The following TTBK2 variants were observed in gnomAD, a reference collection of about 807,000 sequenced individuals.
TTBK2 encodes tau-tubulin kinase 2.
Under a neutral mutation model 110.8 loss-of-function variants are expected in TTBK2, and 28 were observed. That is an observed-to-expected ratio of 0.25 (90% CI 0.19 to 0.35). TTBK2 has a LOEUF of 0.35. Among genes scored for constraint, TTBK2 ranks in the 10% least tolerant of loss-of-function variants. The pLI is 1.00. For missense variants in TTBK2, 1,369 were observed against 1,500.3 expected, an observed-to-expected ratio of 0.91 and a Z score of 1.45; for synonymous variants, 532 against 527.3, an observed-to-expected ratio of 1.01 and a Z score of -0.12.
chr15:42,803,275 C>T lies in TTBK2; in HGVS notation c.822+7339G>A, dbSNP rs1177168547. Among the ~76,000 whole-genome samples the T allele has an allele frequency of 2.0e-5, 3 of 152,006 alleles. No individual in the cohort carries two copies. In the South Asian group the frequency reaches 6.2e-4, roughly 32 times the overall value. Reference sequence around the variant, plus strand: ...GTGTTATTGTACTGAATACTGTAGGCAATTGTTATGCAATGGTAAGTATTT... The same window carrying T: ...GTGTTATTGTACTGAATACTGTAGGTAATTGTTATGCAATGGTAAGTATTT... On this transcript the variant is annotated intron_variant, in intron 9 of 14. Transcript: ENST00000267890.
chr15:42,817,155 A>G, intron 6 of TTBK2, 58 bp from the exon 7 acceptor site: 1 of 1,448,242 alleles, frequency 6.9e-7, no homozygotes. Context: ...TACATTCAGC[A>G]CACTTGAACC....
At chr15:42,831,754 T>C (rs1892769891) in intron 4 of TTBK2, among the ~76,000 whole-genome samples, 2 of 152,126 alleles carry the variant, frequency 1.3e-5, no homozygotes, top group South Asian at 4.1e-4. Context: ...AACAAACCAG[T>C]AATCTGAAAA....
At chr15:42,809,514 A>T (rs10220713) in intron 9 of TTBK2, among the ~76,000 whole-genome samples, 10,060 of 152,284 alleles carry the variant, frequency 0.066, 962 homozygotes, top group African/African-American at 0.21. Flanking sequence ...AGTTGGAACA[A>T]TTTTCAGCTC....
chr15:42,880,159 G>A (rs1420970228), intron 1 of TTBK2, among the ~76,000 whole-genome samples: 1 of 151,980 alleles, frequency 6.6e-6, no homozygotes, highest in Non-Finnish European at 1.5e-5. Context: ...ATTCCAGAAA[G>A]GACCGTAACA....
chr15:42,795,299 T>C (rs776453235), intron 9 of TTBK2, among the ~76,000 whole-genome samples: 1 of 151,962 alleles, frequency 6.6e-6, no homozygotes, highest in Non-Finnish European at 1.5e-5. Context: ...TTAAAATATG[T>C]GTGTGCATGT....
intron 7 of TTBK2, among the ~76,000 whole-genome samples, chr15:42,816,082 A>C (rs1891995934): frequency 1.9e-5 from 1 of 54,008 alleles, no homozygotes; most frequent in Admixed American, 2.7e-4. Flanking sequence ...AAATAAATAA[A>C]TAAATATATA....
At chr15:42,880,009 A>AAAAAG (rs1296634603) in intron 1 of TTBK2, among the ~76,000 whole-genome samples, 1 of 151,802 alleles carries the variant, frequency 6.6e-6, no homozygotes. Flanking sequence ...AAAAAAAAAA[A>AAAAAG]AAAAGAAAAG....
intron 1 of TTBK2, among the ~76,000 whole-genome samples, chr15:42,882,993 C>T (rs1356343321): frequency 6.6e-6 from 1 of 152,136 alleles, no homozygotes; most frequent in Admixed American, 6.6e-5. Flanking sequence ...ATTTTCTCCT[C>T]TTGAGTTCTC....
chr15:42,897,487 C>T (rs150770038), intron 1 of TTBK2, among the ~76,000 whole-genome samples: 264 of 152,172 alleles, frequency 1.7e-3, no homozygotes, highest in South Asian at 5.8e-3. Flanking sequence ...GTAAGTCATG[C>T]TCCCTAGCCT....
At position 42,828,685 on chromosome 15, in the gene TTBK2, G is replaced by A. The variant is rs138731415; in HGVS notation, c.433-653C>T. Among the ~76,000 whole-genome samples the A allele has an allele frequency of 1.3e-4, 19 of 150,096 alleles. No individual in the cohort carries two copies. The East Asian group carries it at 2.9e-3, about 23-fold the overall frequency. Reference sequence around the variant, plus strand: ...TTACAGTGAGTTGAGATTGCGCCACGGCACTCCAGCCTGGGTGACAGAGTG... The same window carrying A: ...TTACAGTGAGTTGAGATTGCGCCACAGCACTCCAGCCTGGGTGACAGAGTG... On this transcript the variant is annotated intron_variant, in intron 5 of 14. Transcript: ENST00000267890.
chr15:42,828,898 T>C (rs1330738447), intron 5 of TTBK2, among the ~76,000 whole-genome samples: 1 of 151,940 alleles, frequency 6.6e-6, no homozygotes, highest in Non-Finnish European at 1.5e-5. Flanking sequence ...CAAAGATGAG[T>C]ATGTAAGTAA....
intron 1 of TTBK2, among the ~76,000 whole-genome samples, chr15:42,893,681 A>C (rs975207356): frequency 6.6e-6 from 1 of 151,798 alleles, no homozygotes; most frequent in Admixed American, 6.6e-5. Context: ...AAAAAAAATC[A>C]ATGAGACCAA....
In TTBK2 at chr15:42,840,342, G is replaced by A. The variant is rs1036626644; in HGVS notation, c.291+18C>T. 8.1e-5 allele frequency: 131 copies of A among 1,607,732 alleles called. No individual in the cohort carries two copies. The East Asian group carries it at 2.2e-3, about 27-fold the overall frequency. On this transcript the variant is annotated intron_variant, in intron 4 of 14. Transcript: ENST00000267890. ...TCAAAACTGAAGAATTTAAAGATAC[G>A]TTTTCAAGGTAACCTACCTGCAACT... is the stretch of plus-strand genomic sequence containing the variant.
intron 4 of TTBK2, among the ~76,000 whole-genome samples, chr15:42,835,049 A>C (rs942577510): frequency 1.3e-5 from 2 of 152,212 alleles, no homozygotes; most frequent in African/African-American, 4.8e-5. Context: ...CCTATATAAA[A>C]TATACTTGAG....
intron 7 of TTBK2, among the ~76,000 whole-genome samples, chr15:42,812,746 A>G (rs1344756748): frequency 2.6e-5 from 4 of 152,188 alleles, no homozygotes; most frequent in Admixed American, 2.6e-4. Context: ...CAGTCATCAG[A>G]AAAGAACCAT....
chr15:42,815,226 C>T (rs1424530524), intron 7 of TTBK2, among the ~76,000 whole-genome samples: 1 of 151,784 alleles, frequency 6.6e-6, no homozygotes, highest in Non-Finnish European at 1.5e-5. Context: ...TAAAGCAACA[C>T]TGAATCAAAC....
At chr15:42,779,241 T>C (rs920945598) in intron 11 of TTBK2, among the ~76,000 whole-genome samples, 2 of 151,868 alleles carry the variant, frequency 1.3e-5, no homozygotes, top group African/African-American at 4.8e-5. Context: ...CTGTCTCTAA[T>C]AAAAATACAC....
intron 13 of TTBK2, among the ~76,000 whole-genome samples, chr15:42,774,437 GA>G (rs1889811987): frequency 6.6e-6 from 1 of 152,128 alleles, no homozygotes; most frequent in African/African-American, 2.4e-5. Context: ...CTGGTAACAG[GA>G]TAACAGGCTT....
At chr15:42,857,096 T>C (rs886803667) in intron 3 of TTBK2, among the ~76,000 whole-genome samples, 2 of 151,912 alleles carry the variant, frequency 1.3e-5, no homozygotes, top group East Asian at 1.9e-4. Context: ...TATTGGTTCA[T>C]CAGTTGTAAC....
Sources: gnomAD v4.1 joint callset for allele counts (sites outside exome capture counted in the v4.1 genomes callset) on GRCh38, gnomAD v4.1.1 for gene constraint, MANE v1.5 for transcripts, NCBI Gene and HGNC (gene_info 2026-07-23, HGNC 2026-07-21) for gene names.